The following POLR2M variants were observed in gnomAD, a reference collection of about 807,000 sequenced individuals.
POLR2M encodes the protein RNA polymerase II subunit M.
In POLR2M, 30 loss-of-function variants were observed where a neutral mutation model predicts 34.6. The ratio of observed to expected loss-of-function variants is 0.87; its 90% CI spans 0.65 to 1.18. POLR2M has a LOEUF of 1.18. Ranked by LOEUF, POLR2M falls within the 50% of genes most tolerant of loss-of-function variation. The pLI is 0.00. For synonymous variants in POLR2M, 150 were observed against 166.7 expected, an observed-to-expected ratio of 0.90 and a Z score of 0.77; for missense variants, 432 against 448.7, an observed-to-expected ratio of 0.96 and a Z score of 0.34.
chr15:57,712,379 A>G (rs150677619), intron 3 of POLR2M, among the ~76,000 whole-genome samples, 191 bp downstream of exon 3: 87 of 152,328 alleles, frequency 5.7e-4, no homozygotes, highest in Middle Eastern at 6.8e-3. Flanking sequence ...AGATGATCAC[A>G]GCTACCTTCA....
intron 3 of POLR2M, 31 bp downstream of exon 3, chr15:57,712,219 T>C: frequency 6.2e-7 from 1 of 1,611,538 alleles, no homozygotes; most frequent in Non-Finnish European, 8.5e-7. Flanking sequence ...CTTGTCTGTT[T>C]GTTGGGTGCT....
At position 57,706,880 on chromosome 15, in the gene POLR2M, C is replaced by T; in HGVS notation, c.38C>T (p.Pro13Leu). The part of the protein sequence containing the change: ...SLPRGFEPQA[P>L]EDLAQRSLVE... The stretch of plus-strand genomic sequence containing the variant: ...CCCCGCGGCTTCGAGCCCCAAGCTC[C>T]CGAGGACTTGGCGCAGCGGAGTTTG... Residue 13 changes from proline (P) to leucine (L), a missense_variant, in exon 1 of 4, where the codon CCC (proline) becomes CTC (leucine). Transcript: ENST00000299638. 1 of 1,594,308 alleles carries T rather than the reference C, an allele frequency of 6.3e-7. No homozygotes were observed. The highest frequency in any genetic ancestry group is 1.1e-5 in the South Asian group (1 of 87,690).
At position 57,717,492 on chromosome 15, in the gene POLR2M, T is replaced by G. The variant is rs2040993920; in HGVS notation, c.*2813T>G. 6.6e-6 allele frequency: 1 copy of G among 152,238 alleles called. No individual in the cohort carries two copies. The highest frequency in any genetic ancestry group is 1.5e-5 in the Non-Finnish European group (1 of 68,048). 9.4% of individuals were successfully genotyped at this position (152,238 alleles called of 1,614,324 possible). A position where few individuals can be genotyped will look rare whatever the true frequency, so the allele number is the denominator to read the frequency against. ...CTTTTAAGAATTATTTTACCAGTTA[T>G]GTGTATAACAATATGGTTTACATTT... On this transcript the variant is annotated 3_prime_UTR_variant, in exon 4 of 4. Transcript: ENST00000299638.
rs61742647 is a variant in POLR2M at position 57,712,060 on chromosome 15, C to T, written c.835C>T (p.Arg279Cys). The change falls in exon 3 of 4, where the codon CGC (arginine) becomes TGC (cysteine). Residue 279 changes from arginine (R) to cysteine (C), a missense_variant. Transcript: ENST00000299638. The part of the protein sequence containing the change: ...GSPISSEERR[R>C]RDKQHLDDIT... ...TCCTATTTCCTCAGAAGAGCGGCGG[C>T]GCAGGGATAAGCAGCATCTTGATGA... is the stretch of plus-strand genomic sequence containing the variant. 5.4e-4 allele frequency: 875 copies of T among 1,613,930 alleles called. 3 individuals are homozygous for T. In the African/African-American group the frequency reaches 0.01, roughly 19 times the overall value.
At chr15:57,711,883 G>A (rs921876530) in intron 2 of POLR2M, 101 bp from the exon 3 acceptor site, 1 of 1,344,648 alleles carries the variant, frequency 7.4e-7, no homozygotes, top group Non-Finnish European at 1.0e-6. Context: ...TACCTTTGGA[G>A]GAGAATTAAT....
chr15:57,710,399 A>G (rs958645336), intron 2 of POLR2M, among the ~76,000 whole-genome samples: 1 of 152,242 alleles, frequency 6.6e-6, no homozygotes, highest in African/African-American at 2.4e-5. Context: ...TTAAATCACT[A>G]CTACCTTTCT....
At position 57,714,827 on chromosome 15, in the gene POLR2M, T is replaced by C; in HGVS notation, c.*148T>C. On this transcript the variant is annotated 3_prime_UTR_variant, in exon 4 of 4. Transcript: ENST00000299638. ...GTTATAAAAAAAGCCCAGTTTGTCTTTCAGAAGGTGACTTTCATGTGCTTG... is the reference window on the plus strand; with the variant it reads ...GTTATAAAAAAAGCCCAGTTTGTCTCTCAGAAGGTGACTTTCATGTGCTTG... 7.6e-7 allele frequency: 1 copy of C among 1,310,396 alleles called. No homozygotes were observed. The highest frequency in any genetic ancestry group is 1.0e-6 in the Non-Finnish European group (1 of 967,118). 81.2% of individuals were successfully genotyped at this position (1,310,396 alleles called of 1,614,324 possible).
chr15:57,709,194 G>A lies in POLR2M; in HGVS notation c.594G>A (p.Arg198=), dbSNP rs143856417. The stretch of plus-strand genomic sequence containing the variant: ...ACCTGTTTATTGACAGGTTACAGAG[G>A]ATCACCATTGCGGACCAAGGTGAAC... ...FDNLFIDRLQ[R]ITIADQGEQQ... is the part of the protein sequence containing the mutation. The change falls in exon 2 of 4, where the codon AGG becomes AGA. Residue 198 remains arginine (R), a synonymous_variant. Transcript: ENST00000299638. The A allele has an allele frequency of 6.2e-7, 1 of 1,614,190 alleles. No individual in the cohort carries two copies. Among genetic ancestry groups the A allele is most frequent in the African/African-American group, 1.3e-5 (1 of 75,036 alleles).
At chr15:57,707,004 T>A (rs2040512136) in intron 1 of POLR2M, 49 bp downstream of exon 1, 2 of 1,552,556 alleles carry the variant, frequency 1.3e-6, no homozygotes, top group Non-Finnish European at 1.7e-6. Flanking sequence ...CAGCTCGAGC[T>A]CCCTGGGCGC....
At chr15:57,711,209 T>C (rs978087285) in intron 2 of POLR2M, among the ~76,000 whole-genome samples, 1 of 152,208 alleles carries the variant, frequency 6.6e-6, no homozygotes, top group Non-Finnish European at 1.5e-5. Context: ...GAAGACCTAC[T>C]TATTTCTTTG....
intron 3 of POLR2M, among the ~76,000 whole-genome samples, chr15:57,713,811 T>A (rs1312971288): frequency 2.1e-5 from 3 of 139,948 alleles, no homozygotes; most frequent in Non-Finnish European, 3.1e-5. Context: ...CTAGACAGCA[T>A]TAGTCCTTCT....
chr15:57,707,291 A>AT (rs1234114530), intron 1 of POLR2M: 1 of 780,310 alleles, frequency 1.3e-6, no homozygotes, highest in East Asian at 2.7e-5. Context: ...CCCCTAACCC[A>AT]TAACAGATTG....
In POLR2M at chr15:57,712,148, A is replaced by G. The variant is rs1420464225; in HGVS notation, c.923A>G (p.Glu308Gly). 1 of 1,614,202 alleles carries G rather than the reference A, an allele frequency of 6.2e-7. No individual in the cohort carries two copies. The highest frequency in any genetic ancestry group is 8.5e-7 in the Non-Finnish European group (1 of 1,180,044). Residue 308 changes from glutamate to glycine, a missense_variant, in exon 3 of 4, where the codon GAA becomes GGA. Coordinates refer to ENST00000299638, the MANE Select transcript of POLR2M (RefSeq NM_015532.5). ...CCCACGCAGCTGCTCTCCATAGAAGAATCCTTGGCACTTCAGAAACAGCAG... is the reference window on the plus strand; with the variant it reads ...CCCACGCAGCTGCTCTCCATAGAAGGATCCTTGGCACTTCAGAAACAGCAG... ...HMPTQLLSIE[E>G]SLALQKQQKQ...
At chr15:57,707,088 C>A (rs1448305961) in intron 1 of POLR2M, 133 bp downstream of exon 1, 27 of 1,549,840 alleles carry the variant, frequency 1.7e-5, no homozygotes, top group Middle Eastern at 1.7e-4. Flanking sequence ...TTCAGTCCTA[C>A]GGGCGAGTGG....
At chr15:57,708,462 T>C (rs1349124818) in intron 1 of POLR2M, among the ~76,000 whole-genome samples, 1 of 152,218 alleles carries the variant, frequency 6.6e-6, no homozygotes, top group East Asian at 1.9e-4. Context: ...TAAAATACTT[T>C]TGCTGAAATT....
intron 1 of POLR2M, chr15:57,707,489 T>A (rs1425415726): frequency 1.9e-6 from 1 of 515,382 alleles, no homozygotes. Flanking sequence ...AGCAGCTTGT[T>A]GCAAAAGATG....
Position 57,714,539 on chromosome 15 carries a change from A to T in POLR2M, c.967A>T (p.Met323Leu). ...QKQQKQNYEE[M>L]QAKLAAQKLA... Reference sequence around the variant, plus strand: ...TGCTTTGCTCTTTGTTTTAAAGGAGATGCAAGCAAAGCTCGCAGCGCAAAA... The same window carrying T: ...TGCTTTGCTCTTTGTTTTAAAGGAGTTGCAAGCAAAGCTCGCAGCGCAAAA... The change falls in exon 4 of 4, where the codon ATG becomes TTG. Residue 323 changes from methionine (M) to leucine (L), a missense_variant. By Grantham distance (15) the Met-to-Leu change is conservative. Transcript: ENST00000299638. 4 of 1,613,340 alleles carry T rather than the reference A, an allele frequency of 2.5e-6. No homozygotes were observed. The highest frequency in any genetic ancestry group is 3.4e-6 in the Non-Finnish European group (4 of 1,179,696).
At chr15:57,707,050 A>C (rs1372883536) in intron 1 of POLR2M, 95 bp downstream of exon 1, 1 of 1,551,714 alleles carries the variant, frequency 6.4e-7, no homozygotes, top group South Asian at 1.2e-5. Context: ...CCTTCCCTGG[A>C]AGGTGACTTT....
intron 3 of POLR2M, among the ~76,000 whole-genome samples, chr15:57,712,972 G>C (rs1285898853): frequency 6.6e-6 from 1 of 152,138 alleles, no homozygotes; most frequent in East Asian, 1.9e-4. Flanking sequence ...GCACCAACTA[G>C]TATAACACCA....
Sources: allele counts gnomAD v4.1 joint callset (sites outside exome capture counted in the v4.1 genomes callset), GRCh38; gene constraint gnomAD v4.1.1; transcripts MANE v1.5; gene names NCBI Gene and HGNC (gene_info 2026-07-23, HGNC 2026-07-21).